The following GBA1 variants were observed in gnomAD, a reference collection of about 807,000 sequenced individuals.
GBA1 encodes lysosomal acid glucosylceramidase.
chr1:155,241,670 A>C, the GBA1 span, among the ~76,000 whole-genome samples: 1 of 152,208 alleles, frequency 6.6e-6, no homozygotes, highest in African/African-American at 2.4e-5. Context: ...AAAGACAGAA[A>C]CGGTAACAGG....
chr1:155,240,190 G>A, the GBA1 span: 10 of 949,852 alleles, frequency 1.1e-5, no homozygotes, highest in East Asian at 2.6e-5. Context: ...TTGGCCGGGC[G>A]CAGGGGCTCA....
the GBA1 span, among the ~76,000 whole-genome samples, chr1:155,241,873 C>T: frequency 6.6e-6 from 1 of 152,178 alleles, no homozygotes; most frequent in Non-Finnish European, 1.5e-5. Flanking sequence ...TGCAGCGTCC[C>T]TTGTTTCATC....
chr1:155,235,737 G>A, the GBA1 span: 9 of 1,614,014 alleles, frequency 5.6e-6, no homozygotes, highest in South Asian at 5.5e-5. Context: ...CCTTGGTGAT[G>A]TCTACAATGA....
the GBA1 span, among the ~76,000 whole-genome samples, chr1:155,236,966 C>T: frequency 6.6e-6 from 1 of 152,042 alleles, no homozygotes; most frequent in Non-Finnish European, 1.5e-5. Context: ...CCGGGTTCAA[C>T]TGATTCTCCC....
the GBA1 span, chr1:155,236,613 G>T: frequency 1.4e-6 from 1 of 724,816 alleles, no homozygotes; most frequent in African/African-American, 1.7e-5. Flanking sequence ...TTTGAGACAG[G>T]ATGTCACTCT....
chr1:155,241,007 G>C, the GBA1 span: 2 of 1,329,852 alleles, frequency 1.5e-6, no homozygotes, highest in Admixed American at 1.7e-5. Context: ...GATTCAAAGA[G>C]AGTCTGTCAT....
At chr1:155,235,661 G>A in the GBA1 span, 13 of 1,576,586 alleles carry the variant, frequency 8.2e-6, no homozygotes, top group South Asian at 3.5e-5. Flanking sequence ...ATGGAATGGG[G>A]GTGCCCGCCC....
chr1:155,242,529 T>A, the GBA1 span, among the ~76,000 whole-genome samples: 1 of 151,926 alleles, frequency 6.6e-6, no homozygotes, highest in South Asian at 2.1e-4. Context: ...ACCCCAGCCA[T>A]CCTTTTTGTT....
At chr1:155,239,741 G>C in the GBA1 span, 1 of 1,614,002 alleles carries the variant, frequency 6.2e-7, no homozygotes, top group Non-Finnish European at 8.5e-7. Flanking sequence ...CTTCTGTTCT[G>C]GCTGCAGGGT....
At chr1:155,242,839 A>G in the GBA1 span, among the ~76,000 whole-genome samples, 1 of 152,092 alleles carries the variant, frequency 6.6e-6, no homozygotes, top group Non-Finnish European at 1.5e-5. Context: ...GTGATCCACC[A>G]GCCTCAGCCT....
the GBA1 span, among the ~76,000 whole-genome samples, chr1:155,236,800 C>T: frequency 6.6e-6 from 1 of 151,466 alleles, no homozygotes; most frequent in South Asian, 2.1e-4. Context: ...TATATATATA[C>T]ATATAAACAC....
the GBA1 span, among the ~76,000 whole-genome samples, chr1:155,242,572 A>G: frequency 6.6e-6 from 1 of 151,196 alleles, no homozygotes; most frequent in Non-Finnish European, 1.5e-5. Context: ...CTTTCTAGAT[A>G]CACTCCAAGC....
At chr1:155,235,976 T>G in the GBA1 span, 2 of 1,045,700 alleles carry the variant, frequency 1.9e-6, no homozygotes, top group Non-Finnish European at 2.9e-6. Flanking sequence ...CCTTAGTAGC[T>G]AAGGAGTTGG....
At chr1:155,240,229 C>G in the GBA1 span, 2 of 684,164 alleles carry the variant, frequency 2.9e-6, no homozygotes, top group Non-Finnish European at 5.1e-6. Context: ...TTTAGGAGGC[C>G]GAGGTGGGCG....
At chr1:155,236,439 C>T in the GBA1 span, 4 of 1,614,182 alleles carry the variant, frequency 2.5e-6, no homozygotes, top group Non-Finnish European at 3.4e-6. Flanking sequence ...ATGCCATGAA[C>T]ATATTTAGCT....
At chr1:155,244,555 A>C in the GBA1 span, 2 of 152,264 alleles carry the variant, frequency 1.3e-5, no homozygotes, top group Non-Finnish European at 2.9e-5. Flanking sequence ...ACGAAATCCC[A>C]CCGCAGCCTG....
the GBA1 span, chr1:155,240,623 C>T: frequency 1.2e-6 from 2 of 1,611,988 alleles, no homozygotes; most frequent in Non-Finnish European, 8.5e-7. Flanking sequence ...TGCCTTGACT[C>T]ACTCACCTGA....
At chr1:155,239,736 G>T in the GBA1 span, 1 of 1,614,058 alleles carries the variant, frequency 6.2e-7, no homozygotes, top group Non-Finnish European at 8.5e-7. Context: ...TGGAACTTCT[G>T]TTCTGGCTGC....
the GBA1 span, chr1:155,241,237 T>G: frequency 1.1e-6 from 1 of 876,346 alleles, no homozygotes; most frequent in Non-Finnish European, 1.9e-6. Context: ...AGGTTAGCCC[T>G]GCAAGTAATT....
Sources: allele counts gnomAD v4.1 joint callset (sites outside exome capture counted in the v4.1 genomes callset), GRCh38; gene constraint gnomAD v4.1.1; transcripts MANE v1.5; gene names NCBI Gene and HGNC (gene_info 2026-07-23, HGNC 2026-07-21).